Variants in ADGRB1 observed in about 807,000 individuals in gnomAD.
The protein encoded by ADGRB1 is adhesion G protein-coupled receptor B1.
Under a neutral mutation model 175.7 loss-of-function variants are expected in ADGRB1, and 36 were observed. The ratio of observed to expected loss-of-function variants is 0.20; its 90% CI spans 0.16 to 0.27. The LOEUF (loss-of-function observed/expected upper bound fraction) is 0.27, where lower values mean the gene tolerates loss of function less well. Among genes scored for constraint, ADGRB1 ranks in the 10% least tolerant of loss-of-function variants. The pLI is 1.00. For synonymous variants in ADGRB1, 1,054 were observed against 979.4 expected, an observed-to-expected ratio of 1.08 and a Z score of -1.42; for missense variants, 1,731 against 2,255.3, an observed-to-expected ratio of 0.77 and a Z score of 4.71.
rs962771352 is a variant in ADGRB1 at position 142,544,324 on chromosome 8, G to A, written c.4662G>A (p.Ser1554=). The part of the protein sequence containing the change: ...VKKELEPLQP[S]PLELRSVEWE... ...AGGAGCTGGAGCCGCTGCAGCCGTC[G>A]CCGCTGGAGCTTCGCAGCGTGGAGT... Residue 1554 remains serine, a synonymous_variant, in exon 31 of 31, where the codon TCG becomes TCA. Coordinates refer to ENST00000517894, the MANE Select transcript of ADGRB1 (RefSeq NM_001702.3). 1.4e-5 allele frequency: 21 copies of A among 1,548,544 alleles called. No individual in the cohort carries two copies. Among genetic ancestry groups the A allele is most frequent in the Middle Eastern group, 1.7e-4 (1 of 5,732 alleles).
chr8:142,491,260 CT>C (rs1036091899), intron 17 of ADGRB1, among the ~76,000 whole-genome samples: 2 of 152,250 alleles, frequency 1.3e-5, no homozygotes, highest in Non-Finnish European at 2.9e-5. Context: ...GCGTGGGCCC[CT>C]GGGGTCTTCA....
intron 19 of ADGRB1, among the ~76,000 whole-genome samples, chr8:142,520,384 A>ATGG (rs1843730554): frequency 1.3e-4 from 3 of 22,828 alleles, no homozygotes; most frequent in Non-Finnish European, 1.9e-4. Context: ...GGTGGTGGTG[A>ATGG]TGGTAGTGAT....
intron 1 of ADGRB1, among the ~76,000 whole-genome samples, chr8:142,461,154 G>A (rs534945703): frequency 5.9e-5 from 9 of 152,330 alleles, no homozygotes; most frequent in African/African-American, 1.2e-4. Flanking sequence ...ATGCTGGGCC[G>A]TGCTGTGCAG....
intron 23 of ADGRB1, among the ~76,000 whole-genome samples, chr8:142,524,940 C>A (rs543478684): frequency 1.1e-4 from 16 of 152,174 alleles, no homozygotes; most frequent in African/African-American, 3.9e-4. Flanking sequence ...CTCAGCCAGC[C>A]CCCACCTCTC....
chr8:142,528,285 G>A (rs1017968583), intron 24 of ADGRB1, among the ~76,000 whole-genome samples: 11 of 152,164 alleles, frequency 7.2e-5, no homozygotes, highest in Admixed American at 6.5e-5. Context: ...ACGGAGGCAG[G>A]GTCCACCCTC....
In ADGRB1 at chr8:142,488,456, C is replaced by T; in HGVS notation, c.2401C>T (p.Pro801Ser). The T allele has an allele frequency of 6.2e-7, 1 of 1,613,080 alleles. No homozygotes were observed. The highest frequency in any genetic ancestry group is 8.5e-7 in the Non-Finnish European group (1 of 1,179,840). Residue 801 changes from proline to serine, a missense_variant, in exon 14 of 31, where the codon CCA (proline) becomes TCA (serine). Pro to Ser is a moderately conservative substitution (Grantham distance 74). Around this residue, in one of 8 missense-constraint regions of ADGRB1, gnomAD observed 388 missense variants for 630.9 expected, o/e 0.61. Transcript: ENST00000517894. ...GGCCACGGGTGACTGGGCCAAGGTGCCAGAGGACAGGGTCACTGTGTCCAA... is the reference window on the plus strand; with the variant it reads ...GGCCACGGGTGACTGGGCCAAGGTGTCAGAGGACAGGGTCACTGTGTCCAA... Reference protein sequence around the residue: ...WRATGDWAKVPEDRVTVSKSV... With the variant: ...WRATGDWAKVSEDRVTVSKSV...
intron 17 of ADGRB1, among the ~76,000 whole-genome samples, chr8:142,506,274 A>G (rs1842848599): frequency 6.6e-6 from 1 of 152,130 alleles, no homozygotes; most frequent in Non-Finnish European, 1.5e-5. Context: ...ATGGGGCCCT[A>G]TCTAAGGGGA....
At chr8:142,494,903 C>A (rs1182830738) in intron 17 of ADGRB1, among the ~76,000 whole-genome samples, 1 of 151,924 alleles carries the variant, frequency 6.6e-6, no homozygotes, top group East Asian at 1.9e-4. Context: ...TTGCAGAGTT[C>A]TCATATGTTT....
chr8:142,495,414 T>G (rs1333828007), intron 17 of ADGRB1, among the ~76,000 whole-genome samples: 1 of 152,010 alleles, frequency 6.6e-6, no homozygotes, highest in Non-Finnish European at 1.5e-5. Context: ...GGATAGAGAT[T>G]CAGTTTCCCA....
At chr8:142,539,465 C>G in intron 27 of ADGRB1, 52 bp downstream of exon 27, 1 of 1,578,446 alleles carries the variant, frequency 6.3e-7, no homozygotes, top group Non-Finnish European at 8.6e-7. Flanking sequence ...CCTGCATGGC[C>G]CCACTCCACG....
chr8:142,531,492 G>A (rs953483123), intron 24 of ADGRB1, among the ~76,000 whole-genome samples: 3 of 152,224 alleles, frequency 2.0e-5, no homozygotes, highest in Non-Finnish European at 1.5e-5. Flanking sequence ...AGGGCCAGGG[G>A]AAGGGCCAAG....
At chr8:142,509,759 C>T (rs529711075) in intron 17 of ADGRB1, among the ~76,000 whole-genome samples, 2 of 152,316 alleles carry the variant, frequency 1.3e-5, no homozygotes, top group South Asian at 4.1e-4. Context: ...CCTTTTCAGC[C>T]GTGGGTTCAG....
Position 142,511,285 on chromosome 8 carries a change from G to A in ADGRB1, c.2817+212G>A, listed in dbSNP as rs2132041572. Reference sequence around the variant, plus strand: ...GAGCGGGTGGCAGTGTGGAGTTGGAGACGGGCCTGGGAGGAGTCGGGACCC... The same window carrying A: ...GAGCGGGTGGCAGTGTGGAGTTGGAAACGGGCCTGGGAGGAGTCGGGACCC... On this transcript the variant is annotated intron_variant, in intron 18 of 30. Coordinates refer to ENST00000517894, the MANE Select transcript of ADGRB1 (RefSeq NM_001702.3). The surrounding 1 kb of genome is among the most constrained non-coding windows in gnomAD (Gnocchi z 4.5). Among the ~76,000 whole-genome samples the A allele has an allele frequency of 6.6e-6, 1 of 152,138 alleles. No homozygotes were observed. Among genetic ancestry groups the A allele is most frequent in the East Asian group, 2.0e-4 (1 of 5,118 alleles).
intron 24 of ADGRB1, among the ~76,000 whole-genome samples, chr8:142,529,833 T>C (rs1014396812): frequency 1.3e-5 from 2 of 151,100 alleles, no homozygotes; most frequent in African/African-American, 4.9e-5. Context: ...ACCCGGTGTG[T>C]GTATGTGTGA....
chr8:142,504,812 C>T lies in ADGRB1; in HGVS notation c.2676-6120C>T, dbSNP rs1842776215. On this transcript the variant is annotated intron_variant, in intron 17 of 30. Transcript: ENST00000517894. The surrounding 1 kb of genome is among the most constrained non-coding windows in gnomAD (Gnocchi z 5.6). ...GGCTCCTGAGGCCAGGCCTAGAAGCCGAAGCCTCTGCCTGCAGAGACACCA... is the reference window on the plus strand; with the variant it reads ...GGCTCCTGAGGCCAGGCCTAGAAGCTGAAGCCTCTGCCTGCAGAGACACCA... 1.3e-5 allele frequency among the ~76,000 whole-genome samples: 2 copies of T among 151,950 alleles called. No homozygotes were observed. The highest frequency in any genetic ancestry group is 6.5e-5 in the Admixed American group (1 of 15,270).
chr8:142,526,509 A>ACCCCCCCCCCCCC, intron 23 of ADGRB1, 33 bp from the exon 24 acceptor site: 4 of 463,086 alleles, frequency 8.6e-6, no homozygotes, highest in East Asian at 5.7e-5. Flanking sequence ...GGCGGCCCCC[A>ACCCCCCCCCCCCC]CCCCCACACC....
At chr8:142,485,221 A>G (rs1164433579) in intron 13 of ADGRB1, among the ~76,000 whole-genome samples, 1 of 152,224 alleles carries the variant, frequency 6.6e-6, no homozygotes, top group Non-Finnish European at 1.5e-5. Context: ...AACGGTGCCC[A>G]TCTCATGGGG....
intron 1 of ADGRB1, among the ~76,000 whole-genome samples, chr8:142,453,214 C>T (rs1383177690): frequency 6.6e-6 from 1 of 152,168 alleles, no homozygotes; most frequent in Non-Finnish European, 1.5e-5. Context: ...CGTGCGTGCC[C>T]GTCCGGGAGG....
At chr8:142,497,421 G>T (rs1464431279) in intron 17 of ADGRB1, among the ~76,000 whole-genome samples, 2 of 152,274 alleles carry the variant, frequency 1.3e-5, no homozygotes, top group African/African-American at 4.8e-5. Flanking sequence ...GGGTCCCCGG[G>T]TCGCTGTCAG....
Sources: allele counts gnomAD v4.1 joint callset (sites outside exome capture counted in the v4.1 genomes callset), GRCh38; gene constraint gnomAD v4.1.1; regional missense constraint gnomAD v4.1.1; non-coding constraint Gnocchi (gnomAD v3.1); transcripts MANE v1.5; gene names NCBI Gene and HGNC (gene_info 2026-07-23, HGNC 2026-07-21).